Variants in LHX6 observed in about 807,000 individuals in gnomAD.
LHX6 encodes LIM homeobox 6.
In LHX6, 15 loss-of-function variants were observed where a neutral mutation model predicts 47.1. That is an observed-to-expected ratio of 0.32 (90% CI 0.21 to 0.49). LHX6 has a LOEUF of 0.49. LHX6 is among the 20% of genes least tolerant of loss of function. The pLI, the probability that LHX6 is intolerant of heterozygous loss-of-function variation, is 0.99. For synonymous variants in LHX6, 242 were observed against 233.5 expected, an observed-to-expected ratio of 1.04 and a Z score of -0.33; for missense variants, 404 against 539.6, an observed-to-expected ratio of 0.75 and a Z score of 2.49.
At chr9:122,221,379 G>GA in intron 4 of LHX6, 1 of 985,678 alleles carries the variant, frequency 1.0e-6, no homozygotes, top group Non-Finnish European at 1.2e-6. Context: ...CCGCGGTGGG[G>GA]GGCCGCTTCC....
chr9:122,228,088 C>G (rs1390058175), intron 1 of LHX6: 3 of 599,190 alleles, frequency 5.0e-6, no homozygotes, highest in Non-Finnish European at 8.7e-6. Flanking sequence ...AAAAGAAAAC[C>G]CCGAGCGCGG....
Position 122,217,265 on chromosome 9 carries a change from C to T in LHX6, c.485G>A (p.Arg162Gln), listed in dbSNP as rs1348298532. ...YFSRFGTKCA[R>Q]CGRQIYASDW... The stretch of plus-strand genomic sequence containing the variant: ...GCTGGCGTAGATCTGTCGGCCGCAC[C>T]GGGCACACTTGGTCCCGAATCGGCT... Residue 162 changes from arginine to glutamine, a missense_variant, in exon 5 of 10, where the codon CGG becomes CAG. This residue lies in a region of LHX6 where 53 missense variants were observed against 97.4 expected (regional missense o/e 0.54). Coordinates refer to ENST00000394319, the MANE Select transcript of LHX6 (RefSeq NM_014368.5). This position sits in a 1 kb window ranked among gnomAD's most constrained non-coding sequence, Gnocchi z 4.9. 5 of 1,612,860 alleles carry T rather than the reference C, an allele frequency of 3.1e-6. No homozygotes were observed. The Admixed American group carries it at 6.7e-5, about 22-fold the overall frequency.
intron 1 of LHX6, 188 bp from the exon 2 acceptor site, chr9:122,227,668 G>T (rs1428811432): frequency 7.8e-7 from 1 of 1,281,176 alleles, no homozygotes; most frequent in Non-Finnish European, 1.0e-6. Context: ...TTTGAATTTG[G>T]ATTGGATTTT....
At chr9:122,225,032 C>T (rs898360969) in intron 4 of LHX6, among the ~76,000 whole-genome samples, 1 of 152,162 alleles carries the variant, frequency 6.6e-6, no homozygotes, top group Non-Finnish European at 1.5e-5. Flanking sequence ...TTCAGAGTAC[C>T]CTTGCCCCAA....
At position 122,228,765 on chromosome 9, in the gene LHX6, G is replaced by A; in HGVS notation, c.-25C>T. The A allele has an allele frequency of 1.6e-6, 2 of 1,238,756 alleles. No individual in the cohort carries two copies. The highest frequency in any genetic ancestry group is 2.0e-6 in the Non-Finnish European group (2 of 987,080). 76.7% of individuals were successfully genotyped at this position (1,238,756 alleles called of 1,614,324 possible). On this transcript the variant is annotated 5_prime_UTR_variant, in exon 1 of 10. Coordinates refer to ENST00000394319, the MANE Select transcript of LHX6 (RefSeq NM_014368.5). ...TGGGCCGGGGAACCTCGGGCTCAGCGGGCGCGCAGCGCGGAGAGCTGCGCC... is the reference window on the plus strand; with the variant it reads ...TGGGCCGGGGAACCTCGGGCTCAGCAGGCGCGCAGCGCGGAGAGCTGCGCC...
chr9:122,225,654 A>C (rs1831062722), intron 4 of LHX6, among the ~76,000 whole-genome samples: 1 of 152,286 alleles, frequency 6.6e-6, no homozygotes, highest in Non-Finnish European at 1.5e-5. Context: ...GAGAGGCCAA[A>C]GTCGGGCCAA....
Position 122,226,488 on chromosome 9 carries a change from G to A in LHX6, c.349C>T (p.Leu117Phe). The change falls in exon 4 of 10, where the codon CTC becomes TTC. Residue 117 changes from leucine (L) to phenylalanine (F), a missense_variant. Around this residue, in one of 7 missense-constraint regions of LHX6, gnomAD observed 53 missense variants for 97.4 expected, o/e 0.54. Transcript: ENST00000394319. This position sits in a 1 kb window ranked among gnomAD's most constrained non-coding sequence, Gnocchi z 6.5. ...LDRYLLKVNN[L>F]IWHVRCLECS... ...TCGAGGCACCGCACGTGCCAGATGA[G>A]GTTGTTGACCTGGGGACGGGGCGGG... The A allele has an allele frequency of 6.2e-7, 1 of 1,613,188 alleles. No individual in the cohort carries two copies. Among genetic ancestry groups the A allele is most frequent in the Non-Finnish European group, 8.5e-7 (1 of 1,179,804 alleles).
chr9:122,206,148 A>C (rs1830168946), intron 9 of LHX6, among the ~76,000 whole-genome samples: 1 of 152,166 alleles, frequency 6.6e-6, no homozygotes, highest in African/African-American at 2.4e-5. Context: ...GGACACAACC[A>C]GGAAGAAATG....
Position 122,217,568 on chromosome 9 carries a change from T to G in LHX6, c.462-280A>C, listed in dbSNP as rs1830642234. On this transcript the variant is annotated intron_variant, in intron 4 of 9. Transcript: ENST00000394319. This position sits in a 1 kb window ranked among gnomAD's most constrained non-coding sequence, Gnocchi z 4.9. ...TATTAATTTGTTTGTTAAAAATACA[T>G]CACAAGTTAGAAAAAACACAATAAT... is the stretch of plus-strand genomic sequence containing the variant. Among the ~76,000 whole-genome samples, 1 of 152,220 alleles carries G rather than the reference T, an allele frequency of 6.6e-6. No individual in the cohort carries two copies. The highest frequency in any genetic ancestry group is 6.5e-5 in the Admixed American group (1 of 15,278).
intron 8 of LHX6, among the ~76,000 whole-genome samples, chr9:122,212,958 GA>G (rs778884701): frequency 2.6e-5 from 4 of 152,226 alleles, no homozygotes; most frequent in Admixed American, 6.5e-5. Flanking sequence ...TACAGATGAG[GA>G]AACCAGGGCT....
Position 122,226,518 on chromosome 9 carries a change from G to C in LHX6, c.340-21C>G. ...TTGACCTGGGGACGGGGCGGGGACG[G>C]AGGTCGGCTCAGCGCGGGCCTCTTT... On this transcript the variant is annotated intron_variant, in intron 3 of 9. Transcript: ENST00000394319. The surrounding 1 kb of genome is among the most constrained non-coding windows in gnomAD (Gnocchi z 6.5). The C allele has an allele frequency of 6.2e-7, 1 of 1,610,796 alleles. No homozygotes were observed.
intron 4 of LHX6, among the ~76,000 whole-genome samples, chr9:122,218,333 A>G (rs1180523380): frequency 6.6e-6 from 1 of 152,122 alleles, no homozygotes; most frequent in African/African-American, 2.4e-5. Context: ...TATTTCAGAG[A>G]ATGGTGCCAC....
intron 4 of LHX6, chr9:122,221,221 AG>A: frequency 2.0e-6 from 2 of 982,744 alleles, no homozygotes; most frequent in Non-Finnish European, 2.4e-6. Context: ...AAGAAGCCAG[AG>A]GGGGAAAAAA....
At chr9:122,223,717 G>A (rs1564445076) in intron 4 of LHX6, among the ~76,000 whole-genome samples, 3 of 152,182 alleles carry the variant, frequency 2.0e-5, no homozygotes, top group Admixed American at 2.0e-4. Flanking sequence ...AATAAGGGGA[G>A]GCTCTGAACA....
chr9:122,213,492 C>A lies in LHX6; in HGVS notation c.1054+114G>T, dbSNP rs1830467173. The A allele has an allele frequency of 6.2e-6, 6 of 961,430 alleles. No homozygotes were observed. Among genetic ancestry groups the A allele is most frequent in the Non-Finnish European group, 9.0e-6 (6 of 669,052 alleles). The allele number at this position is 961,430 out of a possible 1,614,324, so 59.6% of individuals were successfully genotyped here. A position where few individuals can be genotyped will look rare whatever the true frequency, so the allele number is the denominator to read the frequency against. ...AATGACTTCGGGTCCCGCTTCTTCA[C>A]CCACGAGGCTCCCCAAGGCCCTCCA... On this transcript the variant is annotated intron_variant, in intron 8 of 9. Transcript: ENST00000394319. This position sits in a 1 kb window ranked among gnomAD's most constrained non-coding sequence, Gnocchi z 5.5.
At chr9:122,220,451 G>T (rs1830800478) in intron 4 of LHX6, among the ~76,000 whole-genome samples, 1 of 152,214 alleles carries the variant, frequency 6.6e-6, no homozygotes, top group South Asian at 2.1e-4. Flanking sequence ...GCGCGAGGAG[G>T]CTTATCGATC....
chr9:122,225,601 C>T lies in LHX6; in HGVS notation c.461+775G>A, dbSNP rs533897795. On this transcript the variant is annotated intron_variant, in intron 4 of 9. Coordinates refer to ENST00000394319, the MANE Select transcript of LHX6 (RefSeq NM_014368.5). ...TCAGGGCTCCGGGTGCCCAGTTCTC[C>T]CACTTCCCATCCTGGCGGCCTAAAG... is the stretch of plus-strand genomic sequence containing the variant. Among the ~76,000 whole-genome samples the T allele has an allele frequency of 7.4e-4, 113 of 152,376 alleles. No individual in the cohort carries two copies. The South Asian group carries it at 0.023, about 30-fold the overall frequency.
intron 1 of LHX6, chr9:122,227,775 A>C: frequency 2.4e-6 from 1 of 419,206 alleles, no homozygotes; most frequent in Non-Finnish European, 4.1e-6. Flanking sequence ...GGGAAGAAAA[A>C]CACGCGCACA....
At chr9:122,221,384 G>T (rs1830850103) in intron 4 of LHX6, 2 of 985,554 alleles carry the variant, frequency 2.0e-6, no homozygotes, top group East Asian at 1.1e-4. Context: ...GTGGGGGGCC[G>T]CTTCCCGCTC....
Sources: gnomAD v4.1 joint callset for allele counts (sites outside exome capture counted in the v4.1 genomes callset) on GRCh38, gnomAD v4.1.1 for gene constraint, gnomAD v4.1.1 regional missense constraint, Gnocchi (gnomAD v3.1) non-coding constraint, MANE v1.5 for transcripts, NCBI Gene and HGNC (gene_info 2026-07-23, HGNC 2026-07-21) for gene names.